KSR2: variants seen among roughly 807,000 people sequenced by gnomAD.
KSR2 encodes the protein kinase suppressor of ras 2.
KSR2 carries 25 observed loss-of-function variants against 107.8 expected under a neutral mutation model. The ratio of observed to expected loss-of-function variants is 0.23; its 90% CI spans 0.17 to 0.32. KSR2 has a LOEUF of 0.32. KSR2 is among the 10% of genes least tolerant of loss of function. The pLI is 1.00. For synonymous variants in KSR2, 480 were observed against 507.0 expected (o/e 0.95, Z 0.71); for missense variants, 887 against 1,268.9 (o/e 0.70, Z 4.57).
At chr12:117,562,557 A>G (rs550577958) in intron 7 of KSR2, among the ~76,000 whole-genome samples, 2 of 152,142 alleles carry the variant, frequency 1.3e-5, no homozygotes, top group Non-Finnish European at 2.9e-5. Flanking sequence ...TGCAGATGCA[A>G]AGAAGCCCTG....
At chr12:117,505,122 A>G (rs1458870878) in intron 14 of KSR2, among the ~76,000 whole-genome samples, 1 of 152,188 alleles carries the variant, frequency 6.6e-6, no homozygotes, top group Non-Finnish European at 1.5e-5. Flanking sequence ...CATGGTGTAT[A>G]TATACCACAT....
At chr12:117,870,596 G>C (rs1384111085) in intron 1 of KSR2, among the ~76,000 whole-genome samples, 2 of 151,648 alleles carry the variant, frequency 1.3e-5, no homozygotes, top group African/African-American at 4.9e-5. Flanking sequence ...GCGAGACACT[G>C]TCTCAAAAAG....
At chr12:117,620,418 T>C (rs974002344) in intron 5 of KSR2, among the ~76,000 whole-genome samples, 1 of 152,214 alleles carries the variant, frequency 6.6e-6, no homozygotes, top group African/African-American at 2.4e-5. Context: ...AACACCATTC[T>C]GAGTGACCTC....
At chr12:117,593,743 T>A (rs1455023169) in intron 5 of KSR2, among the ~76,000 whole-genome samples, 1 of 152,234 alleles carries the variant, frequency 6.6e-6, no homozygotes, top group Non-Finnish European at 1.5e-5. Context: ...ATAGTAGGTG[T>A]GCATTAAGAG....
At chr12:117,869,063 T>G (rs1164301118) in intron 1 of KSR2, among the ~76,000 whole-genome samples, 1 of 151,658 alleles carries the variant, frequency 6.6e-6, no homozygotes, top group Non-Finnish European at 1.5e-5. Context: ...GCATATATTT[T>G]CCTTGTAAGA....
In KSR2 at chr12:117,957,648, G is replaced by A. The variant is rs374059520; in HGVS notation, c.180+10428C>T. Among the ~76,000 whole-genome samples the A allele has an allele frequency of 2.6e-4, 40 of 152,202 alleles. No individual in the cohort carries two copies. In the South Asian group the frequency reaches 8.3e-3, roughly 32 times the overall value. On this transcript the variant is annotated intron_variant, in intron 1 of 19. Coordinates refer to ENST00000339824, the MANE Select transcript of KSR2 (RefSeq NM_173598.6). ...TTCCTAGTTTTCTACTCATTGAAAG[G>A]TGATGGATTACAAATTGCCTGGTAG...
intron 4 of KSR2, among the ~76,000 whole-genome samples, chr12:117,757,890 T>G (rs1888852155): frequency 6.6e-6 from 1 of 152,212 alleles, no homozygotes; most frequent in South Asian, 2.1e-4. Context: ...ATCGTGGTGG[T>G]CTGGAACCAA....
At chr12:117,950,771 G>A (rs865936343) in intron 1 of KSR2, among the ~76,000 whole-genome samples, 33 of 102,822 alleles carry the variant, frequency 3.2e-4, no homozygotes, top group South Asian at 1.0e-3. Flanking sequence ...TAATAATAAT[G>A]ATAATAATAA....
intron 4 of KSR2, among the ~76,000 whole-genome samples, chr12:117,686,161 G>C (rs563546926): frequency 6.9e-6 from 1 of 145,200 alleles, no homozygotes; most frequent in African/African-American, 2.6e-5. Context: ...CCATCCTCCT[G>C]TCTCAGTCTT....
intron 16 of KSR2, among the ~76,000 whole-genome samples, chr12:117,482,023 G>T (rs1872203511): frequency 6.6e-6 from 1 of 152,162 alleles, no homozygotes; most frequent in South Asian, 2.1e-4. Flanking sequence ...ACCTGGGAAA[G>T]GTCCTGGGAT....
At chr12:117,719,587 G>T (rs2136682865) in intron 4 of KSR2, among the ~76,000 whole-genome samples, 1 of 152,248 alleles carries the variant, frequency 6.6e-6, no homozygotes, top group Admixed American at 6.5e-5. Flanking sequence ...GCTCCAGTTT[G>T]CCCCACTCCC....
intron 1 of KSR2, among the ~76,000 whole-genome samples, chr12:117,864,060 T>C (rs1323429421): frequency 6.6e-6 from 1 of 152,098 alleles, no homozygotes; most frequent in African/African-American, 2.4e-5. Context: ...GTAGAAATGA[T>C]TGGGGGACTG....
intron 9 of KSR2, among the ~76,000 whole-genome samples, chr12:117,547,705 G>A (rs1322655015): frequency 6.6e-6 from 1 of 152,152 alleles, no homozygotes; most frequent in East Asian, 1.9e-4. Context: ...TTGACTAGAT[G>A]GGGCAGGCTT....
chr12:117,564,206 T>C (rs1878311300), intron 7 of KSR2, among the ~76,000 whole-genome samples: 1 of 152,162 alleles, frequency 6.6e-6, no homozygotes, highest in South Asian at 2.1e-4. Context: ...ACACCAGATA[T>C]GGGCCAGGAG....
chr12:117,900,502 G>A (rs1894649863), intron 1 of KSR2, among the ~76,000 whole-genome samples: 1 of 152,194 alleles, frequency 6.6e-6, no homozygotes, highest in Non-Finnish European at 1.5e-5. Flanking sequence ...ATTAACAATA[G>A]TGTTGACTAC....
chr12:117,751,106 C>G (rs879874204), intron 4 of KSR2, among the ~76,000 whole-genome samples: 13 of 152,160 alleles, frequency 8.5e-5, no homozygotes, highest in Non-Finnish European at 1.8e-4. Flanking sequence ...TGGTCTCCCC[C>G]ATCCTGTTTT....
At chr12:117,882,532 T>C (rs559175603) in intron 1 of KSR2, among the ~76,000 whole-genome samples, 2 of 152,000 alleles carry the variant, frequency 1.3e-5, no homozygotes, top group East Asian at 3.9e-4. Flanking sequence ...CTTGCAACCA[T>C]ACACCCATAC....
intron 9 of KSR2, among the ~76,000 whole-genome samples, chr12:117,546,309 T>C (rs1876861669): frequency 6.6e-6 from 1 of 152,172 alleles, no homozygotes; most frequent in South Asian, 2.1e-4. Flanking sequence ...CTGGCCTCCA[T>C]GGTTTCTGAT....
At chr12:117,533,380 T>A (rs1388487287) in intron 10 of KSR2, among the ~76,000 whole-genome samples, 1 of 152,264 alleles carries the variant, frequency 6.6e-6, no homozygotes, top group African/African-American at 2.4e-5. Flanking sequence ...AACACACATT[T>A]GTTGAATTAA....
Sources: gnomAD v4.1 joint callset for allele counts (sites outside exome capture counted in the v4.1 genomes callset) on GRCh38, gnomAD v4.1.1 for gene constraint, MANE v1.5 for transcripts, NCBI Gene and HGNC (gene_info 2026-07-23, HGNC 2026-07-21) for gene names.